Variants in TMEM163 observed in about 807,000 individuals in gnomAD.
The protein encoded by TMEM163 is transmembrane protein 163.
In TMEM163, 17 loss-of-function variants were observed where a neutral mutation model predicts 29.3. The observed-to-expected ratio is 0.58, with a 90% CI of 0.40 to 0.87. The LOEUF is 0.87. Ranked by LOEUF, TMEM163 falls within the 40% of genes least tolerant of loss-of-function variation. The probability of loss-of-function intolerance (pLI) is 0.00; values close to 1 mark genes in which losing one functional copy is unlikely to be tolerated. For missense variants in TMEM163, 303 were observed against 381.5 expected (o/e 0.79, Z 1.71); for synonymous variants, 157 against 160.6 (o/e 0.98, Z 0.17).
chr2:134,678,602 C>A (rs1684168063), intron 2 of TMEM163, among the ~76,000 whole-genome samples: 1 of 152,190 alleles, frequency 6.6e-6, no homozygotes, highest in Admixed American at 6.5e-5. Context: ...AGAGCAGAGG[C>A]CCTGGAATCT....
At chr2:134,605,498 C>T (rs1383834112) in intron 2 of TMEM163, among the ~76,000 whole-genome samples, 1 of 151,792 alleles carries the variant, frequency 6.6e-6, no homozygotes, top group Non-Finnish European at 1.5e-5. Context: ...AGGAGTTCCA[C>T]ATCAGCCTGG....
intron 2 of TMEM163, among the ~76,000 whole-genome samples, chr2:134,710,024 A>G (rs1302351148): frequency 6.6e-6 from 1 of 152,242 alleles, no homozygotes; most frequent in Non-Finnish European, 1.5e-5. Context: ...TATAACCTGG[A>G]AGCCATCCAC....
chr2:134,571,116 A>C (rs1239742961), intron 2 of TMEM163, among the ~76,000 whole-genome samples: 1 of 152,234 alleles, frequency 6.6e-6, no homozygotes, highest in African/African-American at 2.4e-5. Flanking sequence ...GAACCGATTC[A>C]CACAAGGAAT....
chr2:134,638,473 T>C (rs1683155558), intron 2 of TMEM163, among the ~76,000 whole-genome samples: 1 of 152,102 alleles, frequency 6.6e-6, no homozygotes, highest in African/African-American at 2.4e-5. Flanking sequence ...ACATCTGTGT[T>C]ATGGTGGGAA....
At chr2:134,583,595 T>C (rs1409814088) in intron 2 of TMEM163, among the ~76,000 whole-genome samples, 1 of 152,152 alleles carries the variant, frequency 6.6e-6, no homozygotes, top group African/African-American at 2.4e-5. Context: ...ATAACGAAAC[T>C]GAAGGCAATG....
chr2:134,682,369 C>A (rs55919120), intron 2 of TMEM163, among the ~76,000 whole-genome samples: 2 of 152,328 alleles, frequency 1.3e-5, no homozygotes, highest in South Asian at 2.1e-4. Context: ...ACAGGTCATG[C>A]TCAGCTTATT....
At position 134,703,554 on chromosome 2, in the gene TMEM163, CTACAA is replaced by C. The variant is rs1203975986; in HGVS notation, c.322+9641_322+9645del. On this transcript the variant is annotated intron_variant, in intron 2 of 7. Coordinates refer to ENST00000281924, the MANE Select transcript of TMEM163 (RefSeq NM_030923.5). ...ATAGTCATAATAATGAAAACCATAACTACAATACAAGGATGGAAATGCAGGAAGTC... is the reference window on the plus strand; with the variant it reads ...ATAGTCATAATAATGAAAACCATAACTACAAGGATGGAAATGCAGGAAGTC... 2.0e-5 allele frequency among the ~76,000 whole-genome samples: 3 copies of C among 152,160 alleles called. No individual in the cohort carries two copies. In the East Asian group the frequency reaches 5.8e-4, roughly 29 times the overall value.
At chr2:134,584,997 G>A (rs1329532198) in intron 2 of TMEM163, among the ~76,000 whole-genome samples, 1 of 152,176 alleles carries the variant, frequency 6.6e-6, no homozygotes, top group African/African-American at 2.4e-5. Context: ...ACACTTCATG[G>A]ATGCCTGGGT....
At chr2:134,716,747 G>C (rs80186468) in intron 1 of TMEM163, among the ~76,000 whole-genome samples, 1 of 152,070 alleles carries the variant, frequency 6.6e-6, no homozygotes, top group Admixed American at 6.5e-5. Flanking sequence ...AAAAATAACA[G>C]AAACAACAAA....
rs377331468 is a variant in TMEM163, at chr2:134,716,832, T to C, written c.202+1902A>G. Reference sequence around the variant, plus strand: ...CAAAAATCACTTATTCACCACATACTGGTTGCCATCAGGAAGAGGTCAAAC... The same window carrying C: ...CAAAAATCACTTATTCACCACATACCGGTTGCCATCAGGAAGAGGTCAAAC... On this transcript the variant is annotated intron_variant, in intron 1 of 7. Transcript: ENST00000281924. Among the ~76,000 whole-genome samples the C allele has an allele frequency of 2.6e-5, 4 of 152,350 alleles. No individual in the cohort carries two copies. The East Asian group carries it at 7.7e-4, about 29-fold the overall frequency.
chr2:134,476,847 T>G (rs114693660), intron 5 of TMEM163, among the ~76,000 whole-genome samples: 3,582 of 152,320 alleles, frequency 0.024, 148 homozygotes, highest in African/African-American at 0.082. Context: ...TAGTATGGCC[T>G]GCAGAAGCCT....
chr2:134,544,247 G>A (rs1440005988), intron 4 of TMEM163, among the ~76,000 whole-genome samples: 2 of 152,076 alleles, frequency 1.3e-5, no homozygotes, highest in African/African-American at 2.4e-5. Context: ...GGACAGACAC[G>A]AAATTCCATG....
At chr2:134,532,326 C>T (rs1680434255) in intron 4 of TMEM163, among the ~76,000 whole-genome samples, 1 of 152,298 alleles carries the variant, frequency 6.6e-6, no homozygotes. Context: ...CACAACAAGC[C>T]CCAAGTGCTG....
chr2:134,685,297 T>C (rs1389869432), intron 2 of TMEM163, among the ~76,000 whole-genome samples: 1 of 152,234 alleles, frequency 6.6e-6, no homozygotes, highest in Non-Finnish European at 1.5e-5. Flanking sequence ...CCACTCACAA[T>C]TCTCTTGCTT....
chr2:134,713,600 G>A (rs776573720), intron 1 of TMEM163: 1 of 564,158 alleles, frequency 1.8e-6, no homozygotes, highest in Non-Finnish European at 3.4e-6. Context: ...ACCACTCCTT[G>A]ACATACCACA....
intron 2 of TMEM163, among the ~76,000 whole-genome samples, chr2:134,648,199 C>T (rs1472870427): frequency 1.3e-5 from 2 of 152,146 alleles, no homozygotes; most frequent in Non-Finnish European, 1.5e-5. Flanking sequence ...GTCTGGCCAT[C>T]CCCAGTTGGA....
chr2:134,620,237 G>A (rs1682699517), intron 2 of TMEM163, among the ~76,000 whole-genome samples: 1 of 151,718 alleles, frequency 6.6e-6, no homozygotes, highest in South Asian at 2.1e-4. Flanking sequence ...CAAAGTTGGA[G>A]GATCTAAACT....
At chr2:134,503,559 C>A (rs1389602831) in intron 4 of TMEM163, among the ~76,000 whole-genome samples, 1 of 152,214 alleles carries the variant, frequency 6.6e-6, no homozygotes, top group Non-Finnish European at 1.5e-5. Flanking sequence ...TCTACTCTGT[C>A]ACTTTTGGAT....
chr2:134,483,325 C>A lies in TMEM163; in HGVS notation c.556-17100G>T, dbSNP rs146760008. Among the ~76,000 whole-genome samples, 747 of 152,228 alleles carry A rather than the reference C, an allele frequency of 4.9e-3. 7 individuals are homozygous for A. The highest frequency in any genetic ancestry group is 0.033 in the South Asian group (157 of 4,796). On this transcript the variant is annotated intron_variant, in intron 5 of 7. Transcript: ENST00000281924. ...CGTCGGGCATTTAAAGGACCAAGCA[C>A]AACATCCCCTCATCAAGCCCCTCGC...
Sources: allele counts gnomAD v4.1 joint callset (sites outside exome capture counted in the v4.1 genomes callset), GRCh38; gene constraint gnomAD v4.1.1; transcripts MANE v1.5; gene names NCBI Gene and HGNC (gene_info 2026-07-23, HGNC 2026-07-21).